Variants in FUT8 observed in about 807,000 individuals in gnomAD.
FUT8 encodes the protein fucosyltransferase 8, also known as alpha-(1,6)-fucosyltransferase.
FUT8 carries 29 observed loss-of-function variants against 71.3 expected under a neutral mutation model. The ratio of observed to expected loss-of-function variants is 0.41; its 90% CI spans 0.30 to 0.55. FUT8 has a LOEUF of 0.55. Ranked by LOEUF, FUT8 falls within the 20% of genes least tolerant of loss-of-function variation. FUT8 has a pLI of 0.34. For synonymous variants in FUT8, 254 were observed against 239.3 expected, an observed-to-expected ratio of 1.06 and a Z score of -0.57; for missense variants, 544 against 702.1, an observed-to-expected ratio of 0.77 and a Z score of 2.55.
chr14:65,622,936 G>GTC (rs1889701447), intron 5 of FUT8, among the ~76,000 whole-genome samples: 1 of 137,710 alleles, frequency 7.3e-6, no homozygotes, highest in Non-Finnish European at 1.5e-5. Flanking sequence ...TTGAGGCAGT[G>GTC]TCTCTCTCTG....
At chr14:65,453,729 T>C (rs1382930254) in intron 1 of FUT8, among the ~76,000 whole-genome samples, 2 of 152,204 alleles carry the variant, frequency 1.3e-5, no homozygotes, top group Admixed American at 6.5e-5. Context: ...ATGTTTTTTG[T>C]CTGACTTTAT....
intron 7 of FUT8, among the ~76,000 whole-genome samples, chr14:65,671,074 TA>T (rs1388201058): frequency 6.6e-6 from 1 of 152,190 alleles, no homozygotes; most frequent in African/African-American, 2.4e-5. Flanking sequence ...AAAGAAACTC[TA>T]CCAGCCCCAC....
Position 65,439,954 on chromosome 14 carries a change from G to GTGTACATATATATA in FUT8, c.-325-15666_-325-15665insGTACATATATATAT. ...ATAAAGAAAATGTGTGTGTGTGTGT[G>GTGTACATATATATA]TATATATATATATATATATATATAT... is the stretch of plus-strand genomic sequence containing the variant. On this transcript the variant is annotated intron_variant, in intron 1 of 10. Transcript: ENST00000673929. 5.9e-3 allele frequency among the ~76,000 whole-genome samples: 443 copies of GTGTACATATATATA among 74,952 alleles called. 21 individuals are homozygous for GTGTACATATATATA. The highest frequency in any genetic ancestry group is 8.5e-3 in the Non-Finnish European group (343 of 40,270). 49.2% of individuals were successfully genotyped at this position (74,952 alleles called of 152,430 possible).
intron 7 of FUT8, among the ~76,000 whole-genome samples, chr14:65,686,987 A>T (rs1437123388): frequency 1.3e-5 from 2 of 152,216 alleles, no homozygotes; most frequent in Non-Finnish European, 2.9e-5. Context: ...CAGTTGAACT[A>T]AAAAGGCCTT....
chr14:65,490,573 T>G (rs1390438821), intron 2 of FUT8, among the ~76,000 whole-genome samples: 1 of 152,174 alleles, frequency 6.6e-6, no homozygotes, highest in African/African-American at 2.4e-5. Flanking sequence ...CTTCAAATTT[T>G]ACTCTACTAG....
chr14:65,592,024 T>A (rs1437016925), intron 3 of FUT8, among the ~76,000 whole-genome samples: 1 of 152,074 alleles, frequency 6.6e-6, no homozygotes, highest in African/African-American at 2.4e-5. Context: ...GGACATTGCT[T>A]CTAGATCTCA....
At chr14:65,637,378 C>T (rs1890614744) in intron 6 of FUT8, among the ~76,000 whole-genome samples, 1 of 152,084 alleles carries the variant, frequency 6.6e-6, no homozygotes, top group Admixed American at 6.5e-5. Context: ...TTGTTTGGAG[C>T]AGTTGGAAGT....
At chr14:65,618,009 T>TCA (rs1889374572) in intron 5 of FUT8, among the ~76,000 whole-genome samples, 1 of 62,620 alleles carries the variant, frequency 1.6e-5, no homozygotes, top group Admixed American at 1.9e-4. Flanking sequence ...AAAAATTAAT[T>TCA]CATATATATA....
At position 65,489,688 on chromosome 14, in the gene FUT8, T is replaced by C. The variant is rs1347611938; in HGVS notation, c.-228+33970T>C. Among the ~76,000 whole-genome samples the C allele has an allele frequency of 6.6e-6, 1 of 152,126 alleles. No individual in the cohort carries two copies. The highest frequency in any genetic ancestry group is 6.5e-5 in the Admixed American group (1 of 15,274). ...GTGTTGATTGATGTTGTAACTTTTTTTGAGTAAAATGCATCATTAGAAAAT... is the reference window on the plus strand; with the variant it reads ...GTGTTGATTGATGTTGTAACTTTTTCTGAGTAAAATGCATCATTAGAAAAT... On this transcript the variant is annotated intron_variant, in intron 2 of 10. Coordinates refer to ENST00000673929, the MANE Select transcript of FUT8 (RefSeq NM_001371533.1). The surrounding 1 kb of genome is among the most constrained non-coding windows in gnomAD (Gnocchi z 4.0).
At chr14:65,523,845 G>C (rs991216031) in intron 2 of FUT8, among the ~76,000 whole-genome samples, 2 of 152,136 alleles carry the variant, frequency 1.3e-5, no homozygotes, top group African/African-American at 4.8e-5. Flanking sequence ...TTTCCCCATT[G>C]CTTGTTTTTG....
intron 7 of FUT8, among the ~76,000 whole-genome samples, chr14:65,687,939 G>A (rs1351661219): frequency 2.6e-5 from 4 of 152,070 alleles, no homozygotes; most frequent in Non-Finnish European, 4.4e-5. Context: ...TATGTTGCCC[G>A]GGCTGGTCAT....
intron 8 of FUT8, 93 bp from the exon 9 acceptor site, chr14:65,724,054 C>T: frequency 1.1e-6 from 1 of 896,862 alleles, no homozygotes. Context: ...TTAAAAATGC[C>T]TATAATGCCA....
intron 3 of FUT8, among the ~76,000 whole-genome samples, chr14:65,609,331 T>C (rs551471517): frequency 2.6e-5 from 4 of 151,334 alleles, no homozygotes; most frequent in South Asian, 2.1e-4. Flanking sequence ...AGTCTGTGGG[T>C]TATCTTTTCA....
the FUT8 span, among the ~76,000 whole-genome samples, chr14:65,370,898 T>C: frequency 6.6e-6 from 1 of 152,158 alleles, no homozygotes; most frequent in African/African-American, 2.4e-5. Context: ...ACGAACAATA[T>C]GTTGAGAAGT....
chr14:65,659,501 G>A (rs567133396), intron 6 of FUT8, among the ~76,000 whole-genome samples: 1 of 152,222 alleles, frequency 6.6e-6, no homozygotes, highest in South Asian at 2.1e-4. Flanking sequence ...AACATTTGGA[G>A]CAGCTTTTGC....
chr14:65,439,977 T>TATGTACACAC (rs2065625568), intron 1 of FUT8, among the ~76,000 whole-genome samples: 1 of 137,336 alleles, frequency 7.3e-6, no homozygotes, highest in East Asian at 2.2e-4. Context: ...TATATATATA[T>TATGTACACAC]ATATATATAT....
At chr14:65,618,226 T>C (rs1380180993) in intron 5 of FUT8, among the ~76,000 whole-genome samples, 1 of 151,530 alleles carries the variant, frequency 6.6e-6, no homozygotes, top group African/African-American at 2.4e-5. Context: ...CTTTAAGGAA[T>C]TATTTTGTAA....
intron 9 of FUT8, 96 bp from the exon 10 acceptor site, chr14:65,733,135 C>T (rs1896057494): frequency 4.1e-6 from 3 of 738,856 alleles, no homozygotes; most frequent in African/African-American, 3.6e-5. Context: ...TAAAGGTCTC[C>T]TTTCTGTGAG....
Position 65,501,945 on chromosome 14 carries a change from C to G in FUT8, c.-228+46227C>G, listed in dbSNP as rs375388397. Among the ~76,000 whole-genome samples the G allele has an allele frequency of 1.3e-4, 19 of 151,068 alleles. 3 individuals are homozygous for G. Among genetic ancestry groups the G allele is most frequent in the African/African-American group, 4.4e-4 (18 of 41,182 alleles). On this transcript the variant is annotated intron_variant, in intron 2 of 10. Coordinates refer to ENST00000673929, the MANE Select transcript of FUT8 (RefSeq NM_001371533.1). ...TTTTTTTTTGAGACAGTGTCTTGCTCTGATGCCCAGGCTGGAATATAGTGG... is the reference window on the plus strand; with the variant it reads ...TTTTTTTTTGAGACAGTGTCTTGCTGTGATGCCCAGGCTGGAATATAGTGG...
Sources: gnomAD v4.1 joint callset for allele counts (sites outside exome capture counted in the v4.1 genomes callset) on GRCh38, gnomAD v4.1.1 for gene constraint, Gnocchi (gnomAD v3.1) non-coding constraint, MANE v1.5 for transcripts, NCBI Gene and HGNC (gene_info 2026-07-23, HGNC 2026-07-21) for gene names.